Variants in SUPT3H observed in about 807,000 individuals in gnomAD.
The protein encoded by SUPT3H is SPT3 homolog, SAGA and STAGA complex component.
A neutral mutation model predicts 44.3 loss-of-function variants in SUPT3H; 44 were observed. The ratio of observed to expected loss-of-function variants is 0.99; its 90% CI spans 0.78 to 1.28. SUPT3H has a LOEUF of 1.28. SUPT3H is among the 50% of genes most tolerant of loss of function. The probability of loss-of-function intolerance (pLI) is 0.00; values close to 1 mark genes in which losing one functional copy is unlikely to be tolerated. For synonymous variants in SUPT3H, 124 were observed against 125.6 expected (o/e 0.99, Z 0.09); for missense variants, 380 against 387.1 (o/e 0.98, Z 0.15).
intron 3 of SUPT3H, among the ~76,000 whole-genome samples, chr6:45,028,270 ATGGCCTACATG>A (rs945664190): frequency 5.3e-5 from 8 of 152,200 alleles, no homozygotes; most frequent in African/African-American, 1.9e-4. Flanking sequence ...GGGGTAGCTA[ATGGCCTACATG>A]GTTTGGATAG....
intron 2 of SUPT3H, among the ~76,000 whole-genome samples, chr6:45,301,473 C>A (rs1782134040): frequency 6.6e-6 from 1 of 151,746 alleles, no homozygotes; most frequent in African/African-American, 2.4e-5. Flanking sequence ...TGTTTTGGGT[C>A]TTTTTGGTGC....
intron 10 of SUPT3H, among the ~76,000 whole-genome samples, chr6:44,835,736 C>T (rs913772697): frequency 7.9e-5 from 12 of 152,096 alleles, no homozygotes; most frequent in African/African-American, 2.7e-4. Context: ...ATTAGTCCCC[C>T]TCTCTGTCCC....
chr6:45,122,883 T>G (rs1293439889), intron 2 of SUPT3H, among the ~76,000 whole-genome samples: 1 of 152,166 alleles, frequency 6.6e-6, no homozygotes, highest in African/African-American at 2.4e-5. Context: ...AAATGAAAGG[T>G]GGACATTTAG....
chr6:45,361,008 C>T (rs1445036533), intron 2 of SUPT3H, among the ~76,000 whole-genome samples: 1 of 152,178 alleles, frequency 6.6e-6, no homozygotes, highest in African/African-American at 2.4e-5. Context: ...CACAGTGGCA[C>T]ATGCCTGTAG....
At chr6:44,894,626 C>T (rs1194559125) in intron 10 of SUPT3H, among the ~76,000 whole-genome samples, 1 of 152,024 alleles carries the variant, frequency 6.6e-6, no homozygotes, top group African/African-American at 2.4e-5. Context: ...TTACTGTAGC[C>T]TTGTAGTATA....
At chr6:45,060,343 T>C (rs1407037439) in intron 3 of SUPT3H, among the ~76,000 whole-genome samples, 1 of 152,026 alleles carries the variant, frequency 6.6e-6, no homozygotes, top group African/African-American at 2.4e-5. Context: ...AAACAAGCAA[T>C]GGGGAAAAGA....
At chr6:45,074,090 C>T (rs968908190) in intron 3 of SUPT3H, among the ~76,000 whole-genome samples, 1 of 151,922 alleles carries the variant, frequency 6.6e-6, no homozygotes, top group African/African-American at 2.4e-5. Context: ...TAATTTTAGT[C>T]ACACAGTCCT....
chr6:45,133,422 T>C (rs1803786653), intron 2 of SUPT3H, among the ~76,000 whole-genome samples: 2 of 152,352 alleles, frequency 1.3e-5, no homozygotes, highest in South Asian at 4.1e-4. Context: ...ATCTTTTACA[T>C]TATAATCATT....
At chr6:45,372,895 G>A (rs758739089) in intron 1 of SUPT3H, among the ~76,000 whole-genome samples, 8 of 152,186 alleles carry the variant, frequency 5.3e-5, no homozygotes, top group East Asian at 1.9e-4. Context: ...TTGGCTCACT[G>A]CAACCTCCGC....
At chr6:45,235,663 T>A (rs1167361529) in intron 2 of SUPT3H, among the ~76,000 whole-genome samples, 1 of 152,128 alleles carries the variant, frequency 6.6e-6, no homozygotes, top group Non-Finnish European at 1.5e-5. Flanking sequence ...GGGTTTCTAC[T>A]GGACAAGAGA....
chr6:45,114,361 TAGAA>T (rs1800530400), intron 2 of SUPT3H, among the ~76,000 whole-genome samples: 1 of 106,434 alleles, frequency 9.4e-6, no homozygotes, highest in East Asian at 2.7e-4. Flanking sequence ...ATTTGTATGT[TAGAA>T]AGATGAGAGA....
chr6:44,988,151 A>T (rs1179817356), intron 6 of SUPT3H, among the ~76,000 whole-genome samples: 1 of 152,058 alleles, frequency 6.6e-6, no homozygotes, highest in Non-Finnish European at 1.5e-5. Context: ...TGAGTTTTCA[A>T]ATTTTTACTG....
intron 3 of SUPT3H, among the ~76,000 whole-genome samples, chr6:45,100,288 A>C (rs1054833688): frequency 2.0e-5 from 3 of 152,118 alleles, no homozygotes; most frequent in Non-Finnish European, 4.4e-5. Context: ...GAGTTAAGAG[A>C]CAACCTGCAA....
intron 4 of SUPT3H, among the ~76,000 whole-genome samples, chr6:45,015,817 ACG>A (rs1784172616): frequency 6.6e-6 from 1 of 151,414 alleles, no homozygotes; most frequent in Non-Finnish European, 1.5e-5. Context: ...ACACACACAC[ACG>A]CCTATGCCTA....
chr6:45,061,663 C>A (rs927491930), intron 3 of SUPT3H, among the ~76,000 whole-genome samples: 5 of 152,122 alleles, frequency 3.3e-5, no homozygotes, highest in African/African-American at 1.2e-4. Flanking sequence ...AAAACAATTT[C>A]TTACAATGTA....
rs115705241 is a variant in SUPT3H, at chr6:45,344,525, G to A, written c.101+20676C>T. On this transcript the variant is annotated intron_variant, in intron 2 of 10. Transcript: ENST00000371459. The stretch of plus-strand genomic sequence containing the variant: ...CATATATGTACATTTTCCTTTGAAC[G>A]TCTAGAACAGTAACATTATCAATTA... Among the ~76,000 whole-genome samples the A allele has an allele frequency of 6.2e-3, 944 of 151,578 alleles. 16 individuals are homozygous for A. Among genetic ancestry groups the A allele is most frequent in the African/African-American group, 0.022 (890 of 41,286 alleles).
At chr6:45,230,504 G>A (rs1288948298) in intron 2 of SUPT3H, among the ~76,000 whole-genome samples, 4 of 150,290 alleles carry the variant, frequency 2.7e-5, no homozygotes, top group African/African-American at 9.8e-5. Flanking sequence ...TATGGGTTTT[G>A]TTTTATCTAA....
chr6:44,846,692 C>T (rs536543757), intron 10 of SUPT3H, among the ~76,000 whole-genome samples: 147 of 151,730 alleles, frequency 9.7e-4, no homozygotes, highest in Middle Eastern at 6.8e-3. Context: ...AGTGCAGTGG[C>T]GCAATACTGG....
intron 2 of SUPT3H, among the ~76,000 whole-genome samples, chr6:45,212,481 ATGTGTGTGTGTG>A (rs11269206): frequency 0.041 from 1,741 of 42,932 alleles, 31 homozygotes; most frequent in Non-Finnish European, 0.049. Flanking sequence ...CACCTCCACT[ATGTGTGTGTGTG>A]TGTGTGTGTG....
Sources: gnomAD v4.1 joint callset for allele counts (sites outside exome capture counted in the v4.1 genomes callset) on GRCh38, gnomAD v4.1.1 for gene constraint, MANE v1.5 for transcripts, NCBI Gene and HGNC (gene_info 2026-07-23, HGNC 2026-07-21) for gene names.